Variants in TNRC18 observed in about 807,000 individuals in gnomAD.
TNRC18 encodes trinucleotide repeat-containing gene 18 protein.
A neutral mutation model predicts 226.7 loss-of-function variants in TNRC18; 69 were observed. The ratio of observed to expected loss-of-function variants is 0.30; its 90% confidence interval spans 0.25 to 0.37. TNRC18 has a LOEUF of 0.37. Ranked by LOEUF, TNRC18 falls within the 10% of genes least tolerant of loss-of-function variation. The probability of loss-of-function intolerance (pLI) is 1.00; values close to 1 mark genes in which losing one functional copy is unlikely to be tolerated. For missense variants in TNRC18, 4,754 were observed against 4,256.6 expected (o/e 1.12, Z -3.25); for synonymous variants, 2,449 against 1,927.6 (o/e 1.27, Z -7.09).
At position 5,388,165 on chromosome 7, in the gene TNRC18, G is replaced by A; in HGVS notation, c.1659C>T (p.Asp553=). 1 of 1,575,812 alleles carries A rather than the reference G, an allele frequency of 6.3e-7. No individual in the cohort carries two copies. The highest frequency in any genetic ancestry group is 1.2e-5 in the South Asian group (1 of 86,614). The change falls in exon 5 of 30, where the codon GAC becomes GAT. Residue 553 remains aspartate, a synonymous_variant. Coordinates refer to ENST00000430969, the MANE Select transcript of TNRC18 (RefSeq NM_001080495.3). ...CCGAGCGGGGCAGCACAGCCCCAGG[G>A]TCCAGGTAGGCCTTCTTGGAGGAGG... The part of the protein sequence containing the change: ...AASSSKKAYL[D]PGAVLPRSAA...
intron 18 of TNRC18, among the ~76,000 whole-genome samples, chr7:5,334,949 C>T (rs1297143941): frequency 3.3e-5 from 5 of 152,184 alleles, no homozygotes; most frequent in Admixed American, 6.5e-5. Context: ...AATAGAGTCC[C>T]GCTGACCTCA....
At chr7:5,334,166 T>C (rs1436739038) in intron 18 of TNRC18, among the ~76,000 whole-genome samples, 2 of 152,230 alleles carry the variant, frequency 1.3e-5, no homozygotes, top group Non-Finnish European at 2.9e-5. Context: ...CCAGGCCTAC[T>C]GACCCCGGGG....
chr7:5,320,208 G>C (rs1282920213), intron 24 of TNRC18, 110 bp downstream of exon 24: 1 of 820,544 alleles, frequency 1.2e-6, no homozygotes, highest in East Asian at 2.7e-5. Flanking sequence ...TCAGTTATGT[G>C]AGCCCACAAG....
chr7:5,363,867 AAGAC>A (rs1256366186), intron 11 of TNRC18, among the ~76,000 whole-genome samples: 2 of 152,054 alleles, frequency 1.3e-5, no homozygotes, highest in African/African-American at 2.4e-5. Flanking sequence ...GTAAAAAAAA[AAGAC>A]AGCCCGCTTC....
intron 2 of TNRC18, among the ~76,000 whole-genome samples, chr7:5,406,780 GGCAGAGGTT>G (rs1034368997): frequency 2.0e-5 from 3 of 151,536 alleles, no homozygotes; most frequent in African/African-American, 7.3e-5. Context: ...GAACCCAGGA[GGCAGAGGTT>G]GCAGTGAGCC....
intron 11 of TNRC18, among the ~76,000 whole-genome samples, chr7:5,366,572 C>T (rs768290186): frequency 3.3e-5 from 5 of 152,096 alleles, no homozygotes; most frequent in African/African-American, 7.2e-5. Flanking sequence ...GATCCGCCTG[C>T]CTTGGCCTCC....
At position 5,375,491 on chromosome 7, in the gene TNRC18, AGCCAGGCCTGGCAGAGC is replaced by A. The variant is rs201664961; in HGVS notation, c.2799+526_2799+542del. On this transcript the variant is annotated intron_variant, in intron 9 of 29. Coordinates refer to ENST00000430969, the MANE Select transcript of TNRC18 (RefSeq NM_001080495.3). ...TAAAGGCACTTGCCCACGAGCACACAGCCAGGCCTGGCAGAGCTAAGATTCAGACCCAGGGCTCAGGC... is the reference window on the plus strand; with the variant it reads ...TAAAGGCACTTGCCCACGAGCACACATAAGATTCAGACCCAGGGCTCAGGC... Among the ~76,000 whole-genome samples the A allele has an allele frequency of 1.1e-4, 17 of 152,328 alleles. No individual in the cohort carries two copies. The East Asian group carries it at 3.3e-3, about 29-fold the overall frequency.
At chr7:5,421,535 AG>A (rs950549649) in intron 1 of TNRC18, 46 bp from the exon 2 acceptor site, 3 of 152,022 alleles carry the variant, frequency 2.0e-5, no homozygotes, top group African/African-American at 7.3e-5. Context: ...AAAGGGGGAA[AG>A]AAAAAAGGGA....
At chr7:5,352,633 G>A (rs374265853) in intron 16 of TNRC18, among the ~76,000 whole-genome samples, 16 of 152,246 alleles carry the variant, frequency 1.1e-4, no homozygotes, top group African/African-American at 1.4e-4. Flanking sequence ...CGCTGTTACC[G>A]CTAGCAGATC....
chr7:5,412,584 AAAAT>A (rs1781915874), intron 2 of TNRC18, among the ~76,000 whole-genome samples: 1 of 142,118 alleles, frequency 7.0e-6, no homozygotes. Context: ...TCAAAAAAAT[AAAAT>A]AAAATAAAAT....
At position 5,389,289 on chromosome 7, in the gene TNRC18, G is replaced by T. The variant is rs1316947011; in HGVS notation, c.535C>A (p.His179Asn). Reference protein sequence around the residue: ...TAGAPGSLHSHAPSARTPGGG... With the variant: ...TAGAPGSLHSNAPSARTPGGG... ...CCAGGGGTCCGGGCCGAGGGCGCGT[G>T]AGAGTGCAGGGAGCCCGGAGCCCCC... Residue 179 changes from histidine to asparagine, a missense_variant, in exon 5 of 30, where the codon CAC becomes AAC. Transcript: ENST00000430969. 1 of 1,291,734 alleles carries T rather than the reference G, an allele frequency of 7.7e-7. No homozygotes were observed. Among genetic ancestry groups the T allele is most frequent in the Non-Finnish European group, 9.8e-7 (1 of 1,021,066 alleles). 80.0% of individuals were successfully genotyped at this position (1,291,734 alleles called of 1,614,324 possible).
chr7:5,407,962 G>C (rs1328357519), intron 2 of TNRC18, among the ~76,000 whole-genome samples: 2 of 152,180 alleles, frequency 1.3e-5, no homozygotes, highest in Non-Finnish European at 2.9e-5. Flanking sequence ...AGGAGTGTGA[G>C]CCTACAAGAG....
intron 5 of TNRC18, 145 bp from the exon 6 acceptor site, chr7:5,378,169 A>G (rs1583984894): frequency 6.5e-6 from 4 of 611,400 alleles, no homozygotes; most frequent in Non-Finnish European, 1.1e-5. Flanking sequence ...TCACCCCAAC[A>G]TCTTTCCTTA....
intron 2 of TNRC18, among the ~76,000 whole-genome samples, chr7:5,399,123 A>G (rs1281422166): frequency 6.6e-6 from 1 of 150,436 alleles, no homozygotes; most frequent in African/African-American, 2.5e-5. Context: ...CCCCTGCCCC[A>G]CCCACTGCTC....
intron 3 of TNRC18, among the ~76,000 whole-genome samples, chr7:5,393,478 A>T (rs1412065114): frequency 1.3e-5 from 2 of 152,194 alleles, no homozygotes; most frequent in African/African-American, 4.8e-5. Context: ...ATTCGGGATG[A>T]CGGTCAGACC....
Position 5,389,064 on chromosome 7 carries a change from C to A in TNRC18, c.760G>T (p.Gly254Trp). ...AGGCGCTCAGCCAGGCGCGGGGGCC[C>A]CCGGTCCTGGCGGCCCTCGGCGCGC... ...EARAEGRQDR[G>W]PPRLAERLSP... The change falls in exon 5 of 30, where the codon GGG (glycine) becomes TGG (tryptophan). Residue 254 changes from glycine to tryptophan, a missense_variant. Gly to Trp is a radical substitution (Grantham distance 184, BLOSUM62 -2). Coordinates refer to ENST00000430969, the MANE Select transcript of TNRC18 (RefSeq NM_001080495.3). 2 of 1,284,030 alleles carry A rather than the reference C, an allele frequency of 1.6e-6. No individual in the cohort carries two copies. Among genetic ancestry groups the A allele is most frequent in the Non-Finnish European group, 2.0e-6 (2 of 1,007,586 alleles). The allele number at this position is 1,284,030 out of a possible 1,614,324, so 79.5% of individuals were successfully genotyped here.
rs778305819 is a variant in TNRC18 at position 5,370,896 on chromosome 7, G to A, written c.3698C>T (p.Pro1233Leu). ...VEGPEPRVDS[P>L]GRTEPCTAAL... is the part of the protein sequence containing the mutation. The stretch of plus-strand genomic sequence containing the variant: ...GGCGGTGCAGGGTTCTGTCCGGCCC[G>A]GGGAATCCACCCGTGGTTCAGGCCC... Residue 1233 changes from proline (P) to leucine (L), a missense_variant, in exon 11 of 30, where the codon CCG (proline) becomes CTG (leucine). Physicochemically the swap from Pro to Leu is moderately conservative, Grantham distance 98. Coordinates refer to ENST00000430969, the MANE Select transcript of TNRC18 (RefSeq NM_001080495.3). 25 of 1,606,384 alleles carry A rather than the reference G, an allele frequency of 1.6e-5. No homozygotes were observed. The highest frequency in any genetic ancestry group is 4.5e-5 in the East Asian group (2 of 44,888).
chr7:5,394,356 A>C lies in TNRC18; in HGVS notation c.343+84T>G. The C allele has an allele frequency of 7.6e-7, 1 of 1,318,772 alleles. No individual in the cohort carries two copies. Among genetic ancestry groups the C allele is most frequent in the Non-Finnish European group, 1.0e-6 (1 of 998,150 alleles). 81.7% of individuals were successfully genotyped at this position (1,318,772 alleles called of 1,614,324 possible). On this transcript the variant is annotated intron_variant, in intron 3 of 29. Transcript: ENST00000430969. The surrounding 1 kb of genome is among the most constrained non-coding windows in gnomAD (Gnocchi z 4.5). ...ACCCACCAGCCCCAGCTCAGCGATG[A>C]CAACAGAGGGGCACATGAAGTGGCC...
Position 5,387,837 on chromosome 7 carries a change from C to T in TNRC18, c.1987G>A (p.Ala663Thr). The T allele has an allele frequency of 1.9e-6, 3 of 1,605,782 alleles. No individual in the cohort carries two copies. The highest frequency in any genetic ancestry group is 2.5e-6 in the Non-Finnish European group (3 of 1,178,938). Residue 663 changes from alanine (A) to threonine (T), a missense_variant, in exon 5 of 30, where the codon GCT (alanine) becomes ACT (threonine). By Grantham distance (58) the Ala-to-Thr change is moderately conservative. Coordinates refer to ENST00000430969, the MANE Select transcript of TNRC18 (RefSeq NM_001080495.3). ...GCACCAGAGCCCTCGCGCCCGAAAG[C>T]TTTGGCGCTCTCGGGCCTCTCGGGG... ...RDPERPESAKAFGREGSGAQG... is the reference protein window; with the variant it reads ...RDPERPESAKTFGREGSGAQG...
Sources: allele counts gnomAD v4.1 joint callset (sites outside exome capture counted in the v4.1 genomes callset), GRCh38; gene constraint gnomAD v4.1.1; non-coding constraint Gnocchi (gnomAD v3.1); transcripts MANE v1.5; gene names NCBI Gene and HGNC (gene_info 2026-07-23, HGNC 2026-07-21).